ADAMTS9: variants seen among roughly 807,000 people sequenced by gnomAD.
ADAMTS9 encodes the protein A disintegrin and metalloproteinase with thrombospondin motifs 9.
Under a neutral mutation model 257.1 loss-of-function variants are expected in ADAMTS9, and 107 were observed. That is an observed-to-expected ratio of 0.42 (90% CI 0.36 to 0.49). The LOEUF (loss-of-function observed/expected upper bound fraction) is 0.49, where lower values mean the gene tolerates loss of function less well. ADAMTS9 is among the 20% of genes least tolerant of loss of function. The pLI is 0.03. For missense variants in ADAMTS9, 2,353 were observed against 2,469.1 expected, an observed-to-expected ratio of 0.95 and a Z score of 1.00; for synonymous variants, 982 against 880.9, an observed-to-expected ratio of 1.11 and a Z score of -2.03.
intron 38 of ADAMTS9, among the ~76,000 whole-genome samples, chr3:64,525,683 T>A (rs1012330290): frequency 1.3e-5 from 2 of 152,042 alleles, no homozygotes; most frequent in Non-Finnish European, 2.9e-5. Flanking sequence ...CAATGTCAGC[T>A]CACTGCAACC....
chr3:64,620,656 C>T (rs1343095497), intron 19 of ADAMTS9, among the ~76,000 whole-genome samples: 1 of 152,084 alleles, frequency 6.6e-6, no homozygotes, highest in African/African-American at 2.4e-5. Flanking sequence ...CTTCTTGTTT[C>T]TTCCATGACG....
At chr3:64,635,444 G>A (rs1700472435) in intron 12 of ADAMTS9, among the ~76,000 whole-genome samples, 1 of 152,208 alleles carries the variant, frequency 6.6e-6, no homozygotes, top group African/African-American at 2.4e-5. Context: ...TCATAAGGAA[G>A]ACTGCATCTA....
chr3:64,522,028 A>C, intron 39 of ADAMTS9, 138 bp downstream of exon 39: 1 of 659,460 alleles, frequency 1.5e-6, no homozygotes, highest in Non-Finnish European at 2.6e-6. Context: ...GGAGCAGGAG[A>C]TAAAAAGGTA....
chr3:64,557,654 A>T (rs1427606407), intron 30 of ADAMTS9, among the ~76,000 whole-genome samples: 1 of 152,196 alleles, frequency 6.6e-6, no homozygotes, highest in African/African-American at 2.4e-5. Context: ...AAAATGTGCT[A>T]GTCACCATGT....
Position 64,551,005 on chromosome 3 carries a change from T to C in ADAMTS9, c.4756A>G (p.Asn1586Asp). 6.2e-7 allele frequency: 1 copy of C among 1,614,168 alleles called. No homozygotes were observed. Among genetic ancestry groups the C allele is most frequent in the Non-Finnish European group, 8.5e-7 (1 of 1,180,016 alleles). ...CGTGCCCCATGCACCTCGTTTTTGT[T>C]GTCATCCACACACACCACCTTGCGG... ...RYRKVVCVDD[N>D]KNEVHGARCD... Residue 1586 changes from asparagine to aspartate, a missense_variant, in exon 31 of 40, where the codon AAC (asparagine) becomes GAC (aspartate). Transcript: ENST00000498707.
intron 8 of ADAMTS9, among the ~76,000 whole-genome samples, chr3:64,653,288 A>G (rs918944465): frequency 6.6e-6 from 1 of 152,240 alleles, no homozygotes; most frequent in Non-Finnish European, 1.5e-5. Flanking sequence ...CCACGAGGAT[A>G]GAGACGATGC....
chr3:64,686,542 A>G lies in ADAMTS9; in HGVS notation c.516+26T>C. On this transcript the variant is annotated intron_variant, in intron 2 of 39. Coordinates refer to ENST00000498707, the MANE Select transcript of ADAMTS9 (RefSeq NM_182920.2). This position sits in a 1 kb window ranked among gnomAD's most constrained non-coding sequence, Gnocchi z 4.6. ...GAAGCGGGCGAGGAGGCGGAAGGGG[A>G]GAGGAGGTGGCGCGCGCCCACTTAC... is the stretch of plus-strand genomic sequence containing the variant. The G allele has an allele frequency of 3.2e-6, 5 of 1,570,918 alleles. No homozygotes were observed. The highest frequency in any genetic ancestry group is 1.8e-5 in the Admixed American group (1 of 54,818).
chr3:64,531,906 G>A (rs372039965), intron 38 of ADAMTS9, among the ~76,000 whole-genome samples: 1 of 152,154 alleles, frequency 6.6e-6, no homozygotes, highest in Non-Finnish European at 1.5e-5. Flanking sequence ...ATTTTTCCAC[G>A]AGCCGGGTTT....
intron 21 of ADAMTS9, 67 bp from the exon 22 acceptor site, chr3:64,613,576 T>A: frequency 2.7e-6 from 4 of 1,491,970 alleles, no homozygotes; most frequent in Non-Finnish European, 3.6e-6. Flanking sequence ...TGGGGTTATT[T>A]ATTGATGAGT....
At chr3:64,605,295 A>AT in intron 23 of ADAMTS9, among the ~76,000 whole-genome samples, 1 of 152,212 alleles carries the variant, frequency 6.6e-6, no homozygotes, top group Admixed American at 6.5e-5. Flanking sequence ...TCTGAAAGGG[A>AT]GCAGCCAAGT....
At chr3:64,599,389 G>A (rs1052996672) in intron 26 of ADAMTS9, among the ~76,000 whole-genome samples, 1 of 152,146 alleles carries the variant, frequency 6.6e-6, no homozygotes, top group African/African-American at 2.4e-5. Context: ...TTAGTAAAAC[G>A]TACTTGAAAT....
chr3:64,585,918 C>G (rs2084137253), intron 28 of ADAMTS9, among the ~76,000 whole-genome samples: 1 of 152,094 alleles, frequency 6.6e-6, no homozygotes, highest in Non-Finnish European at 1.5e-5. Flanking sequence ...GCTCAATTAG[C>G]TTCAGAACAT....
At chr3:64,618,748 T>G (rs1188436764) in intron 19 of ADAMTS9, among the ~76,000 whole-genome samples, 1 of 152,204 alleles carries the variant, frequency 6.6e-6, no homozygotes, top group Non-Finnish European at 1.5e-5. Context: ...CCTTGGTGTT[T>G]CATTCTCCAA....
chr3:64,601,390 G>A (rs570672144), intron 26 of ADAMTS9, among the ~76,000 whole-genome samples: 116 of 152,118 alleles, frequency 7.6e-4, no homozygotes, highest in Non-Finnish European at 1.4e-3. Flanking sequence ...TCAAACCTAC[G>A]CATCTTCCCT....
chr3:64,627,469 G>A (rs977676325), intron 16 of ADAMTS9, among the ~76,000 whole-genome samples: 2 of 152,108 alleles, frequency 1.3e-5, no homozygotes, highest in African/African-American at 4.8e-5. Context: ...AAGTGTACTG[G>A]AGACAAATAA....
intron 38 of ADAMTS9, among the ~76,000 whole-genome samples, chr3:64,531,664 A>G (rs1010802702): frequency 2.0e-5 from 3 of 152,088 alleles, no homozygotes; most frequent in African/African-American, 7.2e-5. Flanking sequence ...CCAGGGTCTC[A>G]CCACCTTGCC....
intron 38 of ADAMTS9, 115 bp downstream of exon 38, chr3:64,533,051 G>A (rs944101901): frequency 3.0e-5 from 27 of 887,090 alleles, no homozygotes; most frequent in Non-Finnish European, 4.4e-5. Flanking sequence ...CTACAAAATG[G>A]CTTAAGTGGG....
chr3:64,652,863 T>G (rs566261122), intron 8 of ADAMTS9, among the ~76,000 whole-genome samples: 1 of 152,154 alleles, frequency 6.6e-6, no homozygotes, highest in African/African-American at 2.4e-5. Context: ...ACTTTTTGAG[T>G]GCTAACCTGA....
chr3:64,683,380 T>C (rs1288778561), intron 2 of ADAMTS9, among the ~76,000 whole-genome samples: 1 of 152,204 alleles, frequency 6.6e-6, no homozygotes, highest in Non-Finnish European at 1.5e-5. Context: ...AAAAGAACCC[T>C]GAGGTTCTCT....
Sources: allele counts gnomAD v4.1 joint callset (sites outside exome capture counted in the v4.1 genomes callset), GRCh38; gene constraint gnomAD v4.1.1; non-coding constraint Gnocchi (gnomAD v3.1); transcripts MANE v1.5; gene names NCBI Gene and HGNC (gene_info 2026-07-23, HGNC 2026-07-21).